CPNE8: variants seen among roughly 807,000 people sequenced by gnomAD.
CPNE8 encodes the protein copine 8.
In CPNE8, 45 loss-of-function variants were observed where a neutral mutation model predicts 81.5. The observed-to-expected ratio is 0.55, with a 90% confidence interval of 0.44 to 0.71. The LOEUF is 0.71. Among genes scored for constraint, CPNE8 ranks in the 30% least tolerant of loss-of-function variants. The pLI is 0.00. For missense variants in CPNE8, 594 were observed against 672.1 expected (o/e 0.88, Z 1.28); for synonymous variants, 252 against 226.3 (o/e 1.11, Z -1.02).
rs1462295015 is a variant in CPNE8 at position 38,798,385 on chromosome 12, G to A, written c.408-22084C>T. Among the ~76,000 whole-genome samples, 3 of 151,978 alleles carry A rather than the reference G, an allele frequency of 2.0e-5. No individual in the cohort carries two copies. In the East Asian group the frequency reaches 5.8e-4, roughly 29 times the overall value. On this transcript the variant is annotated intron_variant, in intron 6 of 19. Transcript: ENST00000331366. ...ACTCTACAAGCCAGAAGACAGTGGG[G>A]GCCAATATTCAACTTTCTTAAAGAA... is the stretch of plus-strand genomic sequence containing the variant.
intron 7 of CPNE8, 150 bp downstream of exon 7, chr12:38,776,088 G>C (rs1941928589): frequency 2.9e-6 from 1 of 348,210 alleles, no homozygotes; most frequent in Non-Finnish European, 5.4e-6. Context: ...TCTGGTCATA[G>C]GGCTAAGTAC....
Position 38,807,841 on chromosome 12 carries a change from G to T in CPNE8, c.407+21538C>A, listed in dbSNP as rs936726615. On this transcript the variant is annotated intron_variant, in intron 6 of 19. Coordinates refer to ENST00000331366, the MANE Select transcript of CPNE8 (RefSeq NM_153634.3). ...ACCTACAAAATGGGAGAAAATTTTCGCAACCTACTCATCTGAAAAAGGGCT... is the reference window on the plus strand; with the variant it reads ...ACCTACAAAATGGGAGAAAATTTTCTCAACCTACTCATCTGAAAAAGGGCT... 6.8e-3 allele frequency among the ~76,000 whole-genome samples: 1,032 copies of T among 151,892 alleles called. 19 individuals carry two copies. Among genetic ancestry groups the T allele is most frequent in the African/African-American group, 0.023 (957 of 41,362 alleles).
intron 6 of CPNE8, among the ~76,000 whole-genome samples, chr12:38,816,651 CAGTT>C (rs1943029534): frequency 1.3e-5 from 2 of 152,290 alleles, no homozygotes; most frequent in South Asian, 4.1e-4. Flanking sequence ...TAACAATTCA[CAGTT>C]AGCCAGAAAT....
intron 9 of CPNE8, 74 bp downstream of exon 9, chr12:38,762,038 A>G (rs1341522588): frequency 4.5e-6 from 3 of 673,610 alleles, no homozygotes; most frequent in Admixed American, 3.4e-5. Flanking sequence ...TAGCCAACTT[A>G]TCCCACTTCC....
At chr12:38,855,510 G>C (rs1400027505) in intron 3 of CPNE8, among the ~76,000 whole-genome samples, 1 of 152,080 alleles carries the variant, frequency 6.6e-6, no homozygotes, top group Admixed American at 6.5e-5. Flanking sequence ...GCATGTTACT[G>C]TCATAACAAC....
chr12:38,712,421 C>T (rs2136713050), intron 13 of CPNE8, among the ~76,000 whole-genome samples: 1 of 152,176 alleles, frequency 6.6e-6, no homozygotes, highest in African/African-American at 2.4e-5. Context: ...TTATATTGTC[C>T]AGGCTGGTCT....
intron 1 of CPNE8, among the ~76,000 whole-genome samples, chr12:38,883,834 C>T (rs1944198345): frequency 6.6e-6 from 1 of 152,166 alleles, no homozygotes. Context: ...CACCTTCAGG[C>T]AGATGTGACA....
At chr12:38,860,831 T>C (rs1244728037) in intron 3 of CPNE8, among the ~76,000 whole-genome samples, 1 of 152,126 alleles carries the variant, frequency 6.6e-6, no homozygotes, top group Non-Finnish European at 1.5e-5. Context: ...AGAATGTCTG[T>C]CCGGGGTTGA....
At chr12:38,775,647 G>A (rs545296445) in intron 7 of CPNE8, among the ~76,000 whole-genome samples, 3 of 152,126 alleles carry the variant, frequency 2.0e-5, no homozygotes, top group Non-Finnish European at 4.4e-5. Flanking sequence ...TTAATCATGA[G>A]TCAATGGGTG....
In CPNE8 at chr12:38,798,829, G is replaced by T. The variant is rs187820054; in HGVS notation, c.408-22528C>A. 7.2e-4 allele frequency among the ~76,000 whole-genome samples: 109 copies of T among 152,174 alleles called. 2 individuals are homozygous for T. The East Asian group carries it at 0.017, about 23-fold the overall frequency. On this transcript the variant is annotated intron_variant, in intron 6 of 19. Transcript: ENST00000331366. ...ATCTCACATGCAGAGACACACATAG[G>T]CTCAAAATAAAAGGATGGAGGAAGA...
rs143165432 is a variant in CPNE8 at position 38,839,748 on chromosome 12, A to T, written c.330+168T>A. On this transcript the variant is annotated intron_variant, in intron 5 of 19. Coordinates refer to ENST00000331366, the MANE Select transcript of CPNE8 (RefSeq NM_153634.3). The stretch of plus-strand genomic sequence containing the variant: ...CTTACTAAAGGTAACGTTTTTAATA[A>T]GCTCCTCCAAAATGTTTTTCTGGGG... Among the ~76,000 whole-genome samples the T allele has an allele frequency of 1.9e-3, 284 of 152,302 alleles. 1 individual carries two copies. Among genetic ancestry groups the T allele is most frequent in the Middle Eastern group, 6.8e-3 (2 of 294 alleles).
rs528299608 is a variant in CPNE8, at chr12:38,793,782, T to C, written c.408-17481A>G. 8.5e-4 allele frequency among the ~76,000 whole-genome samples: 129 copies of C among 152,018 alleles called. 1 individual carries two copies. Among genetic ancestry groups the C allele is most frequent in the African/African-American group, 3.0e-3 (124 of 41,504 alleles). On this transcript the variant is annotated intron_variant, in intron 6 of 19. Coordinates refer to ENST00000331366, the MANE Select transcript of CPNE8 (RefSeq NM_153634.3). ...AATAGCCAAAGCAACTGTGAAACAG[T>C]AGAATGAAATTAGAAAACTCACACT...
rs570192877 is a variant in CPNE8, at chr12:38,904,475, T to G, written c.98+962A>C. Among the ~76,000 whole-genome samples the G allele has an allele frequency of 3.6e-4, 54 of 150,614 alleles. 1 individual carries two copies. Among genetic ancestry groups the G allele is most frequent in the African/African-American group, 9.8e-4 (40 of 40,940 alleles). The stretch of plus-strand genomic sequence containing the variant: ...TTGAAAGTCAGTTTTTTTTTGTTTT[T>G]TTTTTTTTTTTGAGATGGAGTCTTG... On this transcript the variant is annotated intron_variant, in intron 1 of 19. Transcript: ENST00000331366.
At chr12:38,792,049 A>C (rs1942337470) in intron 6 of CPNE8, among the ~76,000 whole-genome samples, 1 of 151,140 alleles carries the variant, frequency 6.6e-6, no homozygotes, top group Non-Finnish European at 1.5e-5. Context: ...AAATAAAAAC[A>C]GAACATACAT....
intron 6 of CPNE8, among the ~76,000 whole-genome samples, chr12:38,786,881 T>C (rs1327529884): frequency 5.3e-5 from 8 of 152,072 alleles, no homozygotes; most frequent in African/African-American, 1.4e-4. Flanking sequence ...CAGATCCCAA[T>C]ACAATTATAC....
rs577231463 is a variant in CPNE8 at position 38,860,136 on chromosome 12, T to A, written c.187-11474A>T. On this transcript the variant is annotated intron_variant, in intron 3 of 19. Transcript: ENST00000331366. ...AGGCAACCTACAGAAGGAGAAAATATTTGTGTACCATCTGATGAGGGATTA... is the reference window on the plus strand; with the variant it reads ...AGGCAACCTACAGAAGGAGAAAATAATTGTGTACCATCTGATGAGGGATTA... Among the ~76,000 whole-genome samples the A allele has an allele frequency of 1.4e-4, 22 of 152,092 alleles. No individual in the cohort carries two copies. In the South Asian group the frequency reaches 4.6e-3, roughly 32 times the overall value.
At chr12:38,785,584 A>T (rs1942165738) in intron 6 of CPNE8, among the ~76,000 whole-genome samples, 1 of 152,204 alleles carries the variant, frequency 6.6e-6, no homozygotes, top group South Asian at 2.1e-4. Context: ...GTAAAATATG[A>T]CTTTGCTAAT....
intron 6 of CPNE8, among the ~76,000 whole-genome samples, chr12:38,783,968 C>T (rs1945410440): frequency 6.6e-6 from 1 of 152,110 alleles, no homozygotes; most frequent in Non-Finnish European, 1.5e-5. Context: ...GTTCAATGAA[C>T]ATCTACAAGT....
chr12:38,769,716 T>C (rs1462004481), intron 7 of CPNE8, among the ~76,000 whole-genome samples: 1 of 152,228 alleles, frequency 6.6e-6, no homozygotes, highest in African/African-American at 2.4e-5. Flanking sequence ...AAATGAAATG[T>C]GTTTATTTCA....
Sources: gnomAD v4.1 joint callset for allele counts (sites outside exome capture counted in the v4.1 genomes callset) on GRCh38, gnomAD v4.1.1 for gene constraint, MANE v1.5 for transcripts, NCBI Gene and HGNC (gene_info 2026-07-23, HGNC 2026-07-21) for gene names.